SLC25A42: variants seen among roughly 807,000 people sequenced by gnomAD.
SLC25A42 encodes the protein solute carrier family 25 member 42, also known as mitochondrial coenzyme A transporter SLC25A42.
In SLC25A42, 19 loss-of-function variants were observed where a neutral mutation model predicts 34.7. The ratio of observed to expected loss-of-function variants is 0.55; its 90% CI spans 0.38 to 0.80. The LOEUF is 0.80. Among genes scored for constraint, SLC25A42 ranks in the 30% least tolerant of loss-of-function variants. The probability of loss-of-function intolerance (pLI) is 0.00; values close to 1 mark genes in which losing one functional copy is unlikely to be tolerated. For synonymous variants in SLC25A42, 205 were observed against 191.2 expected (o/e 1.07, Z -0.59); for missense variants, 364 against 441.3 (o/e 0.82, Z 1.57).
At chr19:19,107,826 G>C in intron 6 of SLC25A42, 68 bp from the exon 7 acceptor site, 1 of 1,574,056 alleles carries the variant, frequency 6.4e-7, no homozygotes, top group Non-Finnish European at 8.7e-7. Context: ...GGAGCCGAGA[G>C]CCTCTGTGGC....
At chr19:19,106,240 GTCTCGCCT>G in intron 5 of SLC25A42, 21 bp from the exon 6 acceptor site, 1 of 1,589,566 alleles carries the variant, frequency 6.3e-7, no homozygotes, top group Non-Finnish European at 8.6e-7. Context: ...CCTCACTGCC[GTCTCGCCT>G]TCTCCTCCTG....
intron 1 of SLC25A42, among the ~76,000 whole-genome samples, chr19:19,072,965 A>G (rs918855577): frequency 6.6e-6 from 1 of 152,156 alleles, no homozygotes; most frequent in Non-Finnish European, 1.5e-5. Flanking sequence ...CGGCCTCCCA[A>G]AGTGCTGGGA....
Position 19,066,857 on chromosome 19 carries a change from G to A in SLC25A42, c.-35+2742G>A, listed in dbSNP as rs118005136. ...CGTATTTGGGCTCCAGCCGTGCTCA[G>A]ACACTTCAGACCCCCCTGTCTTGCT... On this transcript the variant is annotated intron_variant, in intron 1 of 7. Transcript: ENST00000318596. Among the ~76,000 whole-genome samples the A allele has an allele frequency of 3.3e-4, 50 of 152,178 alleles. 1 individual carries two copies. The East Asian group carries it at 9.1e-3, about 28-fold the overall frequency.
intron 6 of SLC25A42, 105 bp downstream of exon 6, chr19:19,106,490 G>C (rs995071730): frequency 1.2e-6 from 1 of 848,356 alleles, no homozygotes; most frequent in African/African-American, 1.7e-5. Context: ...GTTTGCATCT[G>C]GGCCTCCGTG....
chr19:19,101,792 G>A lies in SLC25A42; in HGVS notation c.93G>A (p.Arg31=). ...ATGTTCTGTTGCAGCGTGACCACAG[G>A]CAAGTGCTCAGCTCCCTGCTGTCTG... ...SSSVSSKRDH[R]QVLSSLLSGA... is the part of the protein sequence containing the mutation. Residue 31 remains arginine, a synonymous_variant, in exon 3 of 8, where the codon AGG becomes AGA. Transcript: ENST00000318596. 6.2e-7 allele frequency: 1 copy of A among 1,612,942 alleles called. No individual in the cohort carries two copies. Among genetic ancestry groups the A allele is most frequent in the Non-Finnish European group, 8.5e-7 (1 of 1,179,490 alleles).
chr19:19,095,494 T>TC (rs1400953383), intron 1 of SLC25A42, among the ~76,000 whole-genome samples: 6 of 152,072 alleles, frequency 3.9e-5, no homozygotes, highest in Non-Finnish European at 8.8e-5. Context: ...GCGCCTGTAG[T>TC]CCCAGCTACT....
intron 2 of SLC25A42, among the ~76,000 whole-genome samples, chr19:19,097,964 GAA>G: frequency 6.9e-6 from 1 of 145,044 alleles, no homozygotes; most frequent in African/African-American, 2.5e-5. Context: ...CCCTGTCTCA[GAA>G]AAAAAAAAAA....
chr19:19,094,298 T>C (rs2059753319), intron 1 of SLC25A42, among the ~76,000 whole-genome samples: 2 of 152,354 alleles, frequency 1.3e-5, no homozygotes, highest in East Asian at 3.9e-4. Flanking sequence ...ATGTACTTAC[T>C]TACTCTGTCA....
At chr19:19,072,223 C>T (rs905010273) in intron 1 of SLC25A42, among the ~76,000 whole-genome samples, 6 of 152,150 alleles carry the variant, frequency 3.9e-5, no homozygotes, top group Non-Finnish European at 5.9e-5. Flanking sequence ...CTCAATAGGC[C>T]GGGGCCGTGT....
In SLC25A42 at chr19:19,109,209, C is replaced by A. The variant is rs1374406044; in HGVS notation, c.649+1164C>A. ...GTGCTCTGTTCCGCCTTTTTAGTGG[C>A]TGCACAGTGGGCCTTACCTTCTTGG... On this transcript the variant is annotated intron_variant, in intron 7 of 7. Coordinates refer to ENST00000318596, the MANE Select transcript of SLC25A42 (RefSeq NM_178526.5). The surrounding 1 kb of genome is among the most constrained non-coding windows in gnomAD (Gnocchi z 4.1). 2.0e-5 allele frequency among the ~76,000 whole-genome samples: 3 copies of A among 152,218 alleles called. No homozygotes were observed. The highest frequency in any genetic ancestry group is 4.4e-5 in the Non-Finnish European group (3 of 68,032).
chr19:19,098,911 A>G (rs1444292996), intron 2 of SLC25A42, among the ~76,000 whole-genome samples: 1 of 152,202 alleles, frequency 6.6e-6, no homozygotes, highest in East Asian at 1.9e-4. Flanking sequence ...TGGACAGAGC[A>G]AGACTGTCTC....
At chr19:19,077,122 C>T (rs921142585) in intron 1 of SLC25A42, among the ~76,000 whole-genome samples, 4 of 152,012 alleles carry the variant, frequency 2.6e-5, no homozygotes, top group Non-Finnish European at 4.4e-5. Context: ...AGTCGGAGGC[C>T]GCAGTGAGCC....
At chr19:19,090,756 A>G (rs1353108050) in intron 1 of SLC25A42, among the ~76,000 whole-genome samples, 2 of 152,226 alleles carry the variant, frequency 1.3e-5, no homozygotes, top group African/African-American at 2.4e-5. Flanking sequence ...GCATCTTTGC[A>G]TCTTCTGTTC....
rs950156951 is a variant in SLC25A42, at chr19:19,110,622, T to G, written c.703T>G (p.Cys235Gly). ...CTTCGAGCGCATGATCTTCGGCGCC[T>G]GCGCTGGCCTCATCGGGCAGTCGGC... ...YPFERMIFGA[C>G]AGLIGQSASY... The change falls in exon 8 of 8, where the codon TGC becomes GGC. Residue 235 changes from cysteine to glycine, a missense_variant. Coordinates refer to ENST00000318596, the MANE Select transcript of SLC25A42 (RefSeq NM_178526.5). 76 of 1,513,004 alleles carry G rather than the reference T, an allele frequency of 5.0e-5. No individual in the cohort carries two copies. Among genetic ancestry groups the G allele is most frequent in the Non-Finnish European group, 6.6e-5 (75 of 1,133,510 alleles). 93.7% of individuals were successfully genotyped at this position (1,513,004 alleles called of 1,614,324 possible). A position where few individuals can be genotyped will look rare whatever the true frequency, so the allele number is the denominator to read the frequency against.
intron 6 of SLC25A42, 140 bp from the exon 7 acceptor site, chr19:19,107,754 T>A: frequency 1.3e-6 from 1 of 783,338 alleles, no homozygotes; most frequent in Non-Finnish European, 2.1e-6. Context: ...TGGGGTTATA[T>A]GTCTTGAAGA....
rs924680229 is a variant in SLC25A42, at chr19:19,111,247, G to C, written c.*371G>C. 3.5e-6 allele frequency: 1 copy of C among 288,084 alleles called. No homozygotes were observed. The allele number at this position is 288,084 out of a possible 1,614,324, so 17.8% of individuals were successfully genotyped here. On this transcript the variant is annotated 3_prime_UTR_variant, in exon 8 of 8. Coordinates refer to ENST00000318596, the MANE Select transcript of SLC25A42 (RefSeq NM_178526.5). ...TTCTAGTGACCCCTGTCCCCACCAG[G>C]CTCAGAGCCAGACCGCGCCTGGACC...
In SLC25A42 at chr19:19,072,704, G is replaced by A. The variant is rs544149976; in HGVS notation, c.-35+8589G>A. 2.0e-4 allele frequency among the ~76,000 whole-genome samples: 30 copies of A among 151,838 alleles called. No homozygotes were observed. The South Asian group carries it at 6.0e-3, about 31-fold the overall frequency. ...AGCCAAAAAATTTTTTTTAGAGACA[G>A]GGTCTTGTTCTGTTGCCCAGGCTAG... On this transcript the variant is annotated intron_variant, in intron 1 of 7. Transcript: ENST00000318596.
chr19:19,107,784 C>T, intron 6 of SLC25A42, 110 bp from the exon 7 acceptor site: 1 of 1,046,992 alleles, frequency 9.6e-7, no homozygotes, highest in Non-Finnish European at 1.4e-6. Context: ...ACATCAACAT[C>T]CAGACACACC....
At chr19:19,106,144 C>T (rs879351146) in intron 5 of SLC25A42, 125 bp from the exon 6 acceptor site, 1 of 789,902 alleles carries the variant, frequency 1.3e-6, no homozygotes, top group African/African-American at 1.7e-5. Context: ...CCAAACCCGC[C>T]TCGTGTTCCT....
Sources: gnomAD v4.1 joint callset for allele counts (sites outside exome capture counted in the v4.1 genomes callset) on GRCh38, gnomAD v4.1.1 for gene constraint, Gnocchi (gnomAD v3.1) non-coding constraint, MANE v1.5 for transcripts, NCBI Gene and HGNC (gene_info 2026-07-23, HGNC 2026-07-21) for gene names.